Variants in CATSPERT observed in about 807,000 individuals in gnomAD.
CATSPERT encodes cation channel sperm-associated targeting subunit tau.
At chr2:201,567,397 T>C in the CATSPERT span, among the ~76,000 whole-genome samples, 1 of 152,218 alleles carries the variant, frequency 6.6e-6, no homozygotes, top group African/African-American at 2.4e-5. Context: ...TATACATAAA[T>C]ATATTTATGA....
chr2:201,543,930 A>G, the CATSPERT span, among the ~76,000 whole-genome samples: 11 of 152,158 alleles, frequency 7.2e-5, no homozygotes, highest in Non-Finnish European at 1.3e-4. Flanking sequence ...ACATATGTAT[A>G]CATGTGCCAT....
chr2:201,560,517 G>A, the CATSPERT span, among the ~76,000 whole-genome samples: 1 of 151,052 alleles, frequency 6.6e-6, no homozygotes, highest in Admixed American at 6.6e-5. Context: ...TAGAGACCAG[G>A]CCACGCAGAA....
chr2:201,579,912 C>T, the CATSPERT span, among the ~76,000 whole-genome samples: 1 of 149,420 alleles, frequency 6.7e-6, no homozygotes, highest in East Asian at 2.0e-4. Context: ...AGTGCAGTAG[C>T]ACGATCATAG....
the CATSPERT span, chr2:201,535,616 T>C: frequency 1.8e-6 from 2 of 1,097,906 alleles, no homozygotes; most frequent in South Asian, 4.3e-5. Flanking sequence ...ACCCAAGAGA[T>C]TAATTTGTAT....
the CATSPERT span, chr2:201,618,951 C>A: frequency 6.2e-7 from 1 of 1,613,850 alleles, no homozygotes; most frequent in Non-Finnish European, 8.5e-7. Flanking sequence ...TAGGCAGGGC[C>A]GTCGTGCCCT....
At chr2:201,581,480 ATATATATATATATAT>A in the CATSPERT span, among the ~76,000 whole-genome samples, 1 of 968 alleles carries the variant, frequency 1.0e-3, no homozygotes, top group African/African-American at 2.8e-3. Context: ...ATTCCGGAAT[ATATATATATATATAT>A]ATATATATAT....
At chr2:201,589,834 G>T in the CATSPERT span, among the ~76,000 whole-genome samples, 4 of 151,674 alleles carry the variant, frequency 2.6e-5, no homozygotes, top group Non-Finnish European at 4.4e-5. Flanking sequence ...AAAGAATGGG[G>T]GAAAATTTTT....
At chr2:201,537,483 C>T in the CATSPERT span, 1 of 1,582,496 alleles carries the variant, frequency 6.3e-7, no homozygotes, top group Non-Finnish European at 8.6e-7. Context: ...GGGATATCTG[C>T]TTAAACAATT....
chr2:201,590,770 T>G, the CATSPERT span, among the ~76,000 whole-genome samples: 1 of 152,184 alleles, frequency 6.6e-6, no homozygotes, highest in Non-Finnish European at 1.5e-5. Context: ...GTTTTTTGGC[T>G]GCATAAATGT....
chr2:201,575,306 C>T, the CATSPERT span: 1 of 1,593,122 alleles, frequency 6.3e-7, no homozygotes, highest in Non-Finnish European at 8.5e-7. Context: ...ACACTTGGAC[C>T]TCTTCAATGA....
At chr2:201,489,453 GA>G in the CATSPERT span, among the ~76,000 whole-genome samples, 3 of 151,950 alleles carry the variant, frequency 2.0e-5, no homozygotes, top group Non-Finnish European at 4.4e-5. Context: ...AATTTAGATA[GA>G]AAAGAAAAAT....
chr2:201,583,972 C>T, the CATSPERT span, among the ~76,000 whole-genome samples: 2 of 152,164 alleles, frequency 1.3e-5, no homozygotes, highest in African/African-American at 2.4e-5. Flanking sequence ...AATAAAAACA[C>T]TATATCAACT....
At chr2:201,499,588 C>G in the CATSPERT span, among the ~76,000 whole-genome samples, 1 of 152,022 alleles carries the variant, frequency 6.6e-6, no homozygotes, top group Non-Finnish European at 1.5e-5. Context: ...AATCCCAGCA[C>G]TTTGGGAGGC....
At chr2:201,612,225 C>G in the CATSPERT span, among the ~76,000 whole-genome samples, 1 of 152,072 alleles carries the variant, frequency 6.6e-6, no homozygotes, top group African/African-American at 2.4e-5. Flanking sequence ...TGCCCAAGGT[C>G]CCACAGGTCA....
At chr2:201,608,213 T>C in the CATSPERT span, among the ~76,000 whole-genome samples, 394 of 152,192 alleles carry the variant, frequency 2.6e-3, 2 homozygotes, top group African/African-American at 9.2e-3. Context: ...AGTGGTACAA[T>C]CATAGCTCGT....
At chr2:201,507,496 T>C in the CATSPERT span, among the ~76,000 whole-genome samples, 2 of 152,176 alleles carry the variant, frequency 1.3e-5, no homozygotes, top group Non-Finnish European at 2.9e-5. Context: ...TAAGAATTTA[T>C]AAGAATTACC....
chr2:201,527,905 A>G, the CATSPERT span, among the ~76,000 whole-genome samples: 1 of 152,098 alleles, frequency 6.6e-6, no homozygotes, highest in Admixed American at 6.5e-5. Flanking sequence ...AAAATTGACA[A>G]GTAGGACCTA....
the CATSPERT span, among the ~76,000 whole-genome samples, chr2:201,612,382 T>C: frequency 3.3e-5 from 5 of 151,952 alleles, no homozygotes; most frequent in African/African-American, 7.3e-5. Context: ...AAGTCCAGCA[T>C]GATCAACATG....
At chr2:201,553,652 TTCCAATCAGTTAGCTTCAGTC>T in the CATSPERT span, 1 of 152,312 alleles carries the variant, frequency 6.6e-6, no homozygotes, top group East Asian at 1.9e-4. Context: ...TACAACTGAC[TTCCAATCAGTTAGCTTCAGTC>T]TAAGCTGGAA....
Sources: allele counts gnomAD v4.1 joint callset (sites outside exome capture counted in the v4.1 genomes callset), GRCh38; gene constraint gnomAD v4.1.1; transcripts MANE v1.5; gene names NCBI Gene and HGNC (gene_info 2026-07-23, HGNC 2026-07-21).